The following MAP3K19 variants were observed in gnomAD, a reference collection of about 807,000 sequenced individuals.
MAP3K19 encodes the protein SPS1/STE20-related protein kinase YSK4.
A neutral mutation model predicts 114.4 loss-of-function variants in MAP3K19; 91 were observed. That is an observed-to-expected ratio of 0.80 (90% CI 0.67 to 0.95). MAP3K19 has a LOEUF of 0.95. Among genes scored for constraint, MAP3K19 ranks in the 40% least tolerant of loss-of-function variants. The pLI, the probability that MAP3K19 is intolerant of heterozygous loss-of-function variation, is 0.00. For synonymous variants in MAP3K19, 518 were observed against 530.5 expected (o/e 0.98, Z 0.32); for missense variants, 1,471 against 1,573.2 (o/e 0.94, Z 1.10).
chr2:135,029,094 C>T (rs543528991), intron 3 of MAP3K19, among the ~76,000 whole-genome samples: 2 of 152,280 alleles, frequency 1.3e-5, no homozygotes, highest in South Asian at 4.1e-4. Flanking sequence ...GACATTGGGC[C>T]GGGCGCAGTG....
rs201929560 is a variant in MAP3K19, at chr2:134,998,724, A to C, written c.574+14T>G. On this transcript the variant is annotated intron_variant, in intron 8 of 12. Transcript: ENST00000392915. ...ACCAAAAGGACTCACTGTGGAATTC[A>C]ATGTTCAACTTACCTTCAGATTTTC... The C allele has an allele frequency of 1.5e-4, 232 of 1,589,256 alleles. 1 individual carries two copies. The highest frequency in any genetic ancestry group is 6.0e-4 in the Middle Eastern group (3 of 5,014).
chr2:135,033,465 C>T (rs1688441819), intron 2 of MAP3K19, among the ~76,000 whole-genome samples: 1 of 119,492 alleles, frequency 8.4e-6, no homozygotes, highest in Non-Finnish European at 1.6e-5. Context: ...GCGCCCCCCA[C>T]CCCCCGGACG....
In MAP3K19 at chr2:134,999,876, A is replaced by G; in HGVS notation, c.314+61T>C. 1 of 1,085,514 alleles carries G rather than the reference A, an allele frequency of 9.2e-7. No homozygotes were observed. Among genetic ancestry groups the G allele is most frequent in the African/African-American group, 1.5e-5 (1 of 64,764 alleles). 67.2% of individuals were successfully genotyped at this position (1,085,514 alleles called of 1,614,324 possible). A position where few individuals can be genotyped will look rare whatever the true frequency, so the allele number is the denominator to read the frequency against. ...TCAATTACTAATAATGTAGGTTGCC[A>G]TATGACTATCATTGCTTCATACTTC... On this transcript the variant is annotated intron_variant, in intron 7 of 12. Transcript: ENST00000392915. This position sits in a 1 kb window ranked among gnomAD's most constrained non-coding sequence, Gnocchi z 4.1.
Position 134,999,557 on chromosome 2 carries a change from C to A in MAP3K19, c.314+380G>T, listed in dbSNP as rs1396105162. Among the ~76,000 whole-genome samples the A allele has an allele frequency of 1.3e-5, 2 of 152,224 alleles. No individual in the cohort carries two copies. Among genetic ancestry groups the A allele is most frequent in the Non-Finnish European group, 2.9e-5 (2 of 68,040 alleles). ...CCCTCGCAGCCTGTCCTGACCTCATCATGGACTAGTAACAGGACCACAGAA... is the reference window on the plus strand; with the variant it reads ...CCCTCGCAGCCTGTCCTGACCTCATAATGGACTAGTAACAGGACCACAGAA... On this transcript the variant is annotated intron_variant, in intron 7 of 12. Coordinates refer to ENST00000392915, the MANE Select transcript of MAP3K19 (RefSeq NM_025052.5). This position sits in a 1 kb window ranked among gnomAD's most constrained non-coding sequence, Gnocchi z 4.1.
intron 5 of MAP3K19, among the ~76,000 whole-genome samples, chr2:135,008,182 G>T (rs1482847123): frequency 6.6e-6 from 1 of 151,700 alleles, no homozygotes; most frequent in African/African-American, 2.4e-5. Context: ...GAGTGCAGTG[G>T]TGCGACCTCA....
intron 5 of MAP3K19, among the ~76,000 whole-genome samples, chr2:135,017,049 C>A (rs1292621597): frequency 1.3e-5 from 2 of 152,136 alleles, no homozygotes; most frequent in African/African-American, 4.8e-5. Flanking sequence ...CTCCTGATGT[C>A]ATCTGCATTC....
At chr2:135,018,222 C>T (rs919954194) in intron 5 of MAP3K19, among the ~76,000 whole-genome samples, 12 of 125,600 alleles carry the variant, frequency 9.6e-5, no homozygotes, top group Admixed American at 3.2e-4. Flanking sequence ...ACCCGGGCAG[C>T]GGAGGTTGTG....
intron 12 of MAP3K19, among the ~76,000 whole-genome samples, chr2:134,970,197 C>T (rs1477862808): frequency 6.6e-6 from 1 of 152,068 alleles, no homozygotes; most frequent in Non-Finnish European, 1.5e-5. Context: ...TGCATTGAAT[C>T]CATAAATAAC....
At chr2:135,008,468 A>G (rs1027115707) in intron 5 of MAP3K19, among the ~76,000 whole-genome samples, 4 of 152,184 alleles carry the variant, frequency 2.6e-5, no homozygotes, top group African/African-American at 9.7e-5. Context: ...TGTAACTCCC[A>G]TGATGCTTAG....
intron 12 of MAP3K19, among the ~76,000 whole-genome samples, chr2:134,979,055 A>C (rs565830480): frequency 6.6e-6 from 1 of 152,170 alleles, no homozygotes; most frequent in African/African-American, 2.4e-5. Flanking sequence ...TCTATGCCTG[A>C]TTATCTCTAT....
intron 4 of MAP3K19, among the ~76,000 whole-genome samples, chr2:135,022,762 T>C (rs1558738967): frequency 6.6e-6 from 1 of 152,212 alleles, no homozygotes; most frequent in African/African-American, 2.4e-5. Flanking sequence ...TCAACAGTTA[T>C]CACTTCAAAT....
rs776545334 is a variant in MAP3K19 at position 135,005,438 on chromosome 2, C to T, written c.232G>A (p.Glu78Lys). The T allele has an allele frequency of 1.0e-5, 16 of 1,606,300 alleles. No individual in the cohort carries two copies. The highest frequency in any genetic ancestry group is 1.4e-5 in the Non-Finnish European group (16 of 1,172,966). Residue 78 changes from glutamate to lysine, a missense_variant, in exon 6 of 13, where the codon GAA (glutamate) becomes AAA (lysine). Glu to Lys is a moderately conservative substitution (Grantham distance 56). Coordinates refer to ENST00000392915, the MANE Select transcript of MAP3K19 (RefSeq NM_025052.5). ...GGRQDWQPRT[E>K]GVEITVTFPR... ...ATCAAGGAGTAAAGCCCAGTACCTT[C>T]TGTCCTGGGTTGCCAGTCCTGTCTA...
intron 12 of MAP3K19, among the ~76,000 whole-genome samples, chr2:134,970,621 G>A (rs538892168): frequency 4.9e-4 from 68 of 137,826 alleles, no homozygotes; most frequent in South Asian, 7.1e-4. Flanking sequence ...TTTTTTAGAT[G>A]GAGTCTCACT....
intron 1 of MAP3K19, among the ~76,000 whole-genome samples, chr2:135,043,012 G>A (rs1381362664): frequency 6.6e-6 from 1 of 152,092 alleles, no homozygotes; most frequent in Non-Finnish European, 1.5e-5. Context: ...GAACCCAGGA[G>A]GCACAGGTTG....
At chr2:134,970,312 G>A (rs2105145809) in intron 12 of MAP3K19, among the ~76,000 whole-genome samples, 1 of 152,076 alleles carries the variant, frequency 6.6e-6, no homozygotes, top group African/African-American at 2.4e-5. Context: ...TCCTTGTAGA[G>A]GTCTTTCACC....
At chr2:135,001,999 AC>A (rs1395087579) in intron 6 of MAP3K19, among the ~76,000 whole-genome samples, 2 of 152,216 alleles carry the variant, frequency 1.3e-5, no homozygotes, top group East Asian at 3.8e-4. Context: ...CTAGAAACAT[AC>A]AGATGTTCTC....
chr2:134,984,961 T>C (rs995260426), intron 10 of MAP3K19, among the ~76,000 whole-genome samples: 1 of 152,050 alleles, frequency 6.6e-6, no homozygotes, highest in Non-Finnish European at 1.5e-5. Context: ...CAAAAAAAAA[T>C]TATTCCTGAT....
chr2:135,012,060 T>C (rs1687271333), intron 5 of MAP3K19, among the ~76,000 whole-genome samples: 2 of 152,188 alleles, frequency 1.3e-5, no homozygotes, highest in African/African-American at 2.4e-5. Flanking sequence ...TGTCTCTAGG[T>C]ATTTTATTTT....
chr2:134,968,852 C>T (rs1311248432), intron 12 of MAP3K19, among the ~76,000 whole-genome samples: 1 of 151,330 alleles, frequency 6.6e-6, no homozygotes, highest in East Asian at 2.0e-4. Flanking sequence ...CAGAGACGCT[C>T]CTCACTTTCC....
Sources: gnomAD v4.1 joint callset for allele counts (sites outside exome capture counted in the v4.1 genomes callset) on GRCh38, gnomAD v4.1.1 for gene constraint, Gnocchi (gnomAD v3.1) non-coding constraint, MANE v1.5 for transcripts, NCBI Gene and HGNC (gene_info 2026-07-23, HGNC 2026-07-21) for gene names.